The following LOC400499 variants were observed in gnomAD, a reference collection of about 807,000 sequenced individuals.
chr16:11,411,265 G>A, the LOC400499 span: 1 of 399,206 alleles, frequency 2.5e-6, no homozygotes, highest in Non-Finnish European at 4.4e-6. Flanking sequence ...GGCTGAGGCT[G>A]AGCTGGGGCA....
the LOC400499 span, among the ~76,000 whole-genome samples, chr16:11,411,845 TTC>T: frequency 4.4e-5 from 5 of 113,616 alleles, no homozygotes; most frequent in East Asian, 7.2e-4. Context: ...CTCCACGTTT[TTC>T]TCTTTTTCTT....
chr16:11,461,228 G>A, the LOC400499 span: 1 of 1,375,974 alleles, frequency 7.3e-7, no homozygotes, highest in Non-Finnish European at 9.6e-7. Context: ...TTGGGGTTGG[G>A]GGCTCCTTGA....
chr16:11,513,860 C>T, the LOC400499 span, among the ~76,000 whole-genome samples: 1 of 152,284 alleles, frequency 6.6e-6, no homozygotes, highest in African/African-American at 2.4e-5. Context: ...AAAGTCCCAG[C>T]AGTAAGAATA....
the LOC400499 span, chr16:11,414,376 G>C: frequency 2.5e-6 from 1 of 399,566 alleles, no homozygotes; most frequent in Non-Finnish European, 4.4e-6. Context: ...CCTCTGGAGA[G>C]CAGGCACTGT....
the LOC400499 span, among the ~76,000 whole-genome samples, chr16:11,511,043 C>G: frequency 6.6e-5 from 10 of 150,522 alleles, no homozygotes; most frequent in African/African-American, 2.5e-4. Context: ...TGTCGCCAGG[C>G]TGGAGTGCAG....
At chr16:11,447,881 T>C in the LOC400499 span, 2 of 1,502,122 alleles carry the variant, frequency 1.3e-6, no homozygotes, top group Non-Finnish European at 1.8e-6. Flanking sequence ...TGCTCCGTGC[T>C]AGAGAAGGGG....
chr16:11,401,882 C>T, the LOC400499 span, among the ~76,000 whole-genome samples: 8 of 152,234 alleles, frequency 5.3e-5, no homozygotes, highest in African/African-American at 1.7e-4. Context: ...CTGCTGCCCC[C>T]CCAGTGCCTT....
the LOC400499 span, among the ~76,000 whole-genome samples, chr16:11,400,423 C>T: frequency 2.1e-5 from 3 of 144,176 alleles, no homozygotes; most frequent in South Asian, 5.0e-4. Flanking sequence ...CACCCAGTCA[C>T]GCTCAGTCTC....
the LOC400499 span, among the ~76,000 whole-genome samples, chr16:11,490,694 C>T: frequency 6.6e-6 from 1 of 152,162 alleles, no homozygotes; most frequent in Non-Finnish European, 1.5e-5. Flanking sequence ...GAGCGAGACT[C>T]CGTCTCAAAA....
the LOC400499 span, among the ~76,000 whole-genome samples, chr16:11,522,939 G>C: frequency 1.3e-5 from 2 of 152,140 alleles, no homozygotes; most frequent in Non-Finnish European, 2.9e-5. Context: ...TTGAGGCCAG[G>C]GGATCAAGCG....
At chr16:11,506,421 T>A in the LOC400499 span, among the ~76,000 whole-genome samples, 1 of 152,246 alleles carries the variant, frequency 6.6e-6, no homozygotes, top group African/African-American at 2.4e-5. Context: ...GAGCCAGTCC[T>A]GTTCTGCCAC....
At chr16:11,525,335 G>C in the LOC400499 span, among the ~76,000 whole-genome samples, 2 of 151,140 alleles carry the variant, frequency 1.3e-5, no homozygotes. Flanking sequence ...TCCCCAAAAC[G>C]GGGAGGGGTG....
At chr16:11,525,147 G>C in the LOC400499 span, among the ~76,000 whole-genome samples, 3 of 152,032 alleles carry the variant, frequency 2.0e-5, no homozygotes, top group African/African-American at 7.3e-5. Flanking sequence ...AGCCGGGCGT[G>C]GTGGTGCACA....
chr16:11,394,127 C>T, the LOC400499 span, among the ~76,000 whole-genome samples: 2 of 152,166 alleles, frequency 1.3e-5, no homozygotes, highest in Non-Finnish European at 2.9e-5. Context: ...GTTTCTGCTA[C>T]AGCCCAGGCT....
chr16:11,391,945 A>G, the LOC400499 span: 13 of 675,846 alleles, frequency 1.9e-5, no homozygotes, highest in Non-Finnish European at 2.3e-5. Flanking sequence ...AGTGGGGGCT[A>G]CAAGCCAGGT....
chr16:11,402,989 A>C, the LOC400499 span, among the ~76,000 whole-genome samples: 899 of 150,958 alleles, frequency 6.0e-3, 15 homozygotes, highest in African/African-American at 0.021. Context: ...GACAGGTGAC[A>C]CCCCATAGCT....
the LOC400499 span, among the ~76,000 whole-genome samples, chr16:11,485,473 C>G: frequency 6.6e-6 from 1 of 152,066 alleles, no homozygotes; most frequent in Non-Finnish European, 1.5e-5. Context: ...GGCACCTGCA[C>G]GACCTCCCCT....
the LOC400499 span, among the ~76,000 whole-genome samples, chr16:11,490,756 C>T: frequency 6.6e-6 from 1 of 152,136 alleles, no homozygotes; most frequent in African/African-American, 2.4e-5. Context: ...GAACATGATC[C>T]TGAGAGGCTA....
the LOC400499 span, among the ~76,000 whole-genome samples, chr16:11,526,270 C>T: frequency 3.3e-5 from 5 of 152,164 alleles, no homozygotes; most frequent in Non-Finnish European, 7.4e-5. Context: ...ATACTCAATT[C>T]ACTTATTATA....
Sources: gnomAD v4.1 joint callset for allele counts (sites outside exome capture counted in the v4.1 genomes callset) on GRCh38, gnomAD v4.1.1 for gene constraint, MANE v1.5 for transcripts.